DNAJC6: variants seen among roughly 807,000 people sequenced by gnomAD.
DNAJC6 encodes auxilin.
In DNAJC6, 34 loss-of-function variants were observed where a neutral mutation model predicts 110.0. That is an observed-to-expected ratio of 0.31 (90% CI 0.24 to 0.41). The LOEUF (loss-of-function observed/expected upper bound fraction) is 0.41. DNAJC6 is among the 10% of genes least tolerant of loss of function. DNAJC6 has a pLI of 1.00. For missense variants in DNAJC6, 1,031 were observed against 1,207.8 expected (o/e 0.85, Z 2.17); for synonymous variants, 406 against 437.2 (o/e 0.93, Z 0.89).
chr1:65,375,449 G>A (rs1278584229), intron 4 of DNAJC6, among the ~76,000 whole-genome samples: 7 of 147,608 alleles, frequency 4.7e-5, no homozygotes, highest in Admixed American at 1.3e-4. Context: ...TTTTGGAGAC[G>A]GAGTCTCGCT....
At chr1:65,410,830 A>G (rs1222142844) in intron 17 of DNAJC6, among the ~76,000 whole-genome samples, 1 of 152,240 alleles carries the variant, frequency 6.6e-6, no homozygotes, top group Admixed American at 6.5e-5. Context: ...GCAAAGAGAA[A>G]CACACAATTA....
At chr1:65,375,981 A>G (rs556088076) in intron 4 of DNAJC6, among the ~76,000 whole-genome samples, 2 of 152,278 alleles carry the variant, frequency 1.3e-5, no homozygotes, top group African/African-American at 4.8e-5. Context: ...TCTTTTTTAA[A>G]TATTTGGTAG....
At chr1:65,297,777 G>A (rs1644941914) in intron 1 of DNAJC6, among the ~76,000 whole-genome samples, 1 of 152,202 alleles carries the variant, frequency 6.6e-6, no homozygotes, top group Non-Finnish European at 1.5e-5. Context: ...GAGGCTGCAA[G>A]TTCTGAACCT....
rs577665018 is a variant in DNAJC6, at chr1:65,347,433, A to G, written c.194-17202A>G. 1.6e-3 allele frequency among the ~76,000 whole-genome samples: 246 copies of G among 151,468 alleles called. 4 individuals carry two copies. The highest frequency in any genetic ancestry group is 7.1e-3 in the South Asian group (34 of 4,798). The stretch of plus-strand genomic sequence containing the variant: ...TTTTTTTTTTACTTCATCAGCCTCA[A>G]TTCCATCCTCCTCACCCAGCCATTT... On this transcript the variant is annotated intron_variant, in intron 1 of 18. Coordinates refer to ENST00000371069, the MANE Select transcript of DNAJC6 (RefSeq NM_001256864.2).
At chr1:65,272,294 T>C (rs1398832553) in intron 1 of DNAJC6, among the ~76,000 whole-genome samples, 1 of 152,260 alleles carries the variant, frequency 6.6e-6, no homozygotes, top group African/African-American at 2.4e-5. Context: ...AATATTTTTC[T>C]GTATTATGTG....
intron 1 of DNAJC6, among the ~76,000 whole-genome samples, chr1:65,266,723 A>G (rs1653345214): frequency 1.3e-5 from 2 of 152,136 alleles, no homozygotes; most frequent in South Asian, 2.1e-4. Context: ...TTGCCAAGTC[A>G]TGCTAGGCCA....
chr1:65,301,861 GC>G (rs541964572), intron 1 of DNAJC6, among the ~76,000 whole-genome samples: 3 of 151,754 alleles, frequency 2.0e-5, no homozygotes, highest in Non-Finnish European at 4.4e-5. Context: ...TCTTCTCTGT[GC>G]AGCATTTCTT....
At chr1:65,385,936 G>A in intron 7 of DNAJC6, 30 bp downstream of exon 7, 1 of 1,538,186 alleles carries the variant, frequency 6.5e-7, no homozygotes, top group South Asian at 1.2e-5. Context: ...TTCTTCCTAT[G>A]TACTTCTCAA....
At chr1:65,307,018 C>CTCTCTCTATATA (rs1465563773), upstream of DNAJC6, among the ~76,000 whole-genome samples, 2 of 70,704 alleles carry the variant, frequency 2.8e-5, no homozygotes, top group African/African-American at 1.1e-4. Context: ...CTCTCTCTCT[C>CTCTCTCTATATA]TATATATATA....
At chr1:65,405,836 T>C in intron 15 of DNAJC6, 34 bp from the exon 16 acceptor site, 1 of 1,552,482 alleles carries the variant, frequency 6.4e-7, no homozygotes. Flanking sequence ...CCACTCAAAA[T>C]AGTTTTACCT....
At chr1:65,333,409 T>C (rs143454751) in intron 1 of DNAJC6, among the ~76,000 whole-genome samples, 188 of 152,272 alleles carry the variant, frequency 1.2e-3, no homozygotes, top group Non-Finnish European at 1.9e-3. Flanking sequence ...TTTTAGTTTA[T>C]AAAGTACTTC....
chr1:65,342,629 G>A (rs530926877), intron 1 of DNAJC6, among the ~76,000 whole-genome samples: 29 of 152,270 alleles, frequency 1.9e-4, no homozygotes, highest in African/African-American at 6.5e-4. Context: ...TTGCTCCTCT[G>A]TAAAAAGGGG....
At chr1:65,355,325 G>A (rs957915365) in intron 1 of DNAJC6, among the ~76,000 whole-genome samples, 1 of 151,160 alleles carries the variant, frequency 6.6e-6, no homozygotes, top group Non-Finnish European at 1.5e-5. Context: ...CTTTATTGCA[G>A]TACAAAGAGA....
At chr1:65,337,721 A>G (rs548431022) in intron 1 of DNAJC6, among the ~76,000 whole-genome samples, 2 of 152,344 alleles carry the variant, frequency 1.3e-5, no homozygotes, top group South Asian at 2.1e-4. Context: ...TAGGTATTAT[A>G]CATAATCTAG....
At chr1:65,289,143 G>A (rs1654114028) in intron 1 of DNAJC6, among the ~76,000 whole-genome samples, 1 of 152,114 alleles carries the variant, frequency 6.6e-6, no homozygotes, top group South Asian at 2.1e-4. Flanking sequence ...AGCAGGGTGT[G>A]AGATTTCTAG....
At chr1:65,408,249 A>G (rs1247535144) in intron 16 of DNAJC6, among the ~76,000 whole-genome samples, 3 of 152,232 alleles carry the variant, frequency 2.0e-5, no homozygotes, top group Non-Finnish European at 2.9e-5. Flanking sequence ...AAATATCAAC[A>G]GAATATGGGC....
At chr1:65,292,136 C>A (rs1345938336) in intron 1 of DNAJC6, among the ~76,000 whole-genome samples, 2 of 152,114 alleles carry the variant, frequency 1.3e-5, no homozygotes, top group East Asian at 3.9e-4. Context: ...TCTGCCTCAG[C>A]CTCCCGAGTA....
At chr1:65,365,116 T>C (rs1217785436) in intron 2 of DNAJC6, among the ~76,000 whole-genome samples, 1 of 152,162 alleles carries the variant, frequency 6.6e-6, no homozygotes, top group South Asian at 2.1e-4. Context: ...GCTTTTTTTT[T>C]ATACCCTGAC....
Position 65,378,250 on chromosome 1 carries a change from T to G in DNAJC6, c.544-1152T>G, listed in dbSNP as rs1645785642. On this transcript the variant is annotated intron_variant, in intron 4 of 18. Transcript: ENST00000371069. ...TCTCCATACTGGAGCCTGAAAGATC[T>G]TTGGAAATGTAGATCTGAGAGTCAT... Among the ~76,000 whole-genome samples, 3 of 134,096 alleles carry G rather than the reference T, an allele frequency of 2.2e-5. No individual in the cohort carries two copies. In the South Asian group the frequency reaches 7.3e-4, roughly 33 times the overall value. The allele number at this position is 134,096 out of a possible 152,430, so 88.0% of individuals were successfully genotyped here.
Sources: allele counts gnomAD v4.1 joint callset (sites outside exome capture counted in the v4.1 genomes callset), GRCh38; gene constraint gnomAD v4.1.1; transcripts MANE v1.5; gene names NCBI Gene and HGNC (gene_info 2026-07-23, HGNC 2026-07-21).